ITGB5: variants seen among roughly 807,000 people sequenced by gnomAD.
The protein encoded by ITGB5 is integrin beta-5.
In ITGB5, 38 loss-of-function variants were observed where a neutral mutation model predicts 84.8. The ratio of observed to expected loss-of-function variants is 0.45; its 90% CI spans 0.35 to 0.59. ITGB5 has a LOEUF of 0.59. Ranked by LOEUF, ITGB5 falls within the 20% of genes least tolerant of loss-of-function variation. ITGB5 has a pLI of 0.01. For synonymous variants in ITGB5, 393 were observed against 414.4 expected (o/e 0.95, Z 0.63); for missense variants, 905 against 1,034.5 (o/e 0.87, Z 1.72).
chr3:124,885,429 GAAAC>G (rs554290866), intron 1 of ITGB5, among the ~76,000 whole-genome samples: 8 of 152,014 alleles, frequency 5.3e-5, no homozygotes, highest in Non-Finnish European at 1.0e-4. Flanking sequence ...CAAAACAAAA[GAAAC>G]AAACAGAAAA....
intron 1 of ITGB5, among the ~76,000 whole-genome samples, chr3:124,900,365 A>G (rs1255196344): frequency 2.0e-5 from 3 of 152,210 alleles, no homozygotes; most frequent in Non-Finnish European, 4.4e-5. Flanking sequence ...AGGCACAAGA[A>G]TTGTGCCTGG....
At chr3:124,824,955 T>C (rs541634602) in intron 5 of ITGB5, among the ~76,000 whole-genome samples, 88 of 152,228 alleles carry the variant, frequency 5.8e-4, no homozygotes, top group African/African-American at 2.0e-3. Context: ...TCCCAGCACT[T>C]TGGGAGGCCG....
At chr3:124,780,220 AGCCACTGCTCCATTCACCCCCAAAC>A (rs1195256392) in intron 10 of ITGB5, among the ~76,000 whole-genome samples, 2 of 136,818 alleles carry the variant, frequency 1.5e-5, no homozygotes, top group East Asian at 4.9e-4. Flanking sequence ...CCAGGAACAA[AGCCACTGCTCCATTCACCCCCAAAC>A]GCCACTCTGG....
intron 7 of ITGB5, 142 bp from the exon 8 acceptor site, chr3:124,817,852 T>C: frequency 1.7e-6 from 1 of 591,752 alleles, no homozygotes. Flanking sequence ...CTAAAGAAGA[T>C]CCCACAGGGA....
chr3:124,780,234 T>G (rs1366989523), intron 10 of ITGB5, among the ~76,000 whole-genome samples: 1 of 136,788 alleles, frequency 7.3e-6, no homozygotes, highest in African/African-American at 3.3e-5. Context: ...ACTGCTCCAT[T>G]CACCCCCAAA....
At chr3:124,817,267 C>T (rs745339247) in intron 8 of ITGB5, among the ~76,000 whole-genome samples, 1 of 152,122 alleles carries the variant, frequency 6.6e-6, no homozygotes, top group Non-Finnish European at 1.5e-5. Flanking sequence ...ACGGTGGCAG[C>T]GTTAGCCTGG....
chr3:124,881,235 C>T (rs1194886369), intron 1 of ITGB5, among the ~76,000 whole-genome samples: 5 of 152,100 alleles, frequency 3.3e-5, no homozygotes, highest in East Asian at 1.9e-4. Flanking sequence ...CTGCCTGCCT[C>T]GGCCTCCCAA....
Position 124,848,503 on chromosome 3 carries a change from G to A in ITGB5, c.417C>T (p.Asp139=). ...QVRQVEDYPV[D]LYYLMDLSLS... ...GGGAGAGGTCCATCAGGTAGTACAG[G>A]TCCACAGGATAGTCCTCCACCTGGC... Residue 139 remains aspartate (D), a synonymous_variant, in exon 4 of 15, where the codon GAC becomes GAT. Coordinates refer to ENST00000296181, the MANE Select transcript of ITGB5 (RefSeq NM_002213.5). The A allele has an allele frequency of 1.2e-6, 2 of 1,614,092 alleles. No individual in the cohort carries two copies. Among genetic ancestry groups the A allele is most frequent in the Non-Finnish European group, 1.7e-6 (2 of 1,180,014 alleles).
At chr3:124,803,634 C>T (rs1276250642) in intron 9 of ITGB5, among the ~76,000 whole-genome samples, 1 of 152,200 alleles carries the variant, frequency 6.6e-6, no homozygotes, top group Non-Finnish European at 1.5e-5. Flanking sequence ...TGGGGCAAGT[C>T]ACGCTCATCC....
At chr3:124,891,602 A>G (rs962041482), upstream of ITGB5, among the ~76,000 whole-genome samples, 4 of 151,732 alleles carry the variant, frequency 2.6e-5, no homozygotes, top group African/African-American at 9.7e-5. Flanking sequence ...TCAAAAAAAA[A>G]AAAAAAAAAG....
At chr3:124,798,146 G>C (rs904452571) in intron 9 of ITGB5, among the ~76,000 whole-genome samples, 5 of 138,250 alleles carry the variant, frequency 3.6e-5, no homozygotes, top group African/African-American at 1.4e-4. Flanking sequence ...TCCACCTCCC[G>C]GGTTCAAGCC....
At chr3:124,822,219 A>G (rs371046252) in intron 5 of ITGB5, among the ~76,000 whole-genome samples, 1 of 152,232 alleles carries the variant, frequency 6.6e-6, no homozygotes, top group South Asian at 2.1e-4. Context: ...AACTCTACAC[A>G]AAAACACTCC....
At chr3:124,881,813 A>T (rs1455575251) in intron 1 of ITGB5, among the ~76,000 whole-genome samples, 4 of 151,768 alleles carry the variant, frequency 2.6e-5, no homozygotes, top group Admixed American at 6.6e-5. Context: ...ACTAAAAATT[A>T]AAAAATAAGC....
At chr3:124,770,693 C>CT (rs2063829477) in intron 11 of ITGB5, among the ~76,000 whole-genome samples, 1 of 152,138 alleles carries the variant, frequency 6.6e-6, no homozygotes, top group African/African-American at 2.4e-5. Flanking sequence ...TTCTAACATG[C>CT]TTAGGAGCTC....
chr3:124,837,862 T>C (rs957680029), intron 5 of ITGB5, among the ~76,000 whole-genome samples: 1 of 152,134 alleles, frequency 6.6e-6, no homozygotes, highest in Non-Finnish European at 1.5e-5. Flanking sequence ...TCAGGGGAAG[T>C]AGAGCGTGCA....
intron 10 of ITGB5, among the ~76,000 whole-genome samples, chr3:124,785,064 C>T (rs1162158477): frequency 6.6e-6 from 1 of 152,160 alleles, no homozygotes; most frequent in East Asian, 1.9e-4. Context: ...AGCAGCTGCT[C>T]AGCAGAAGAG....
intron 5 of ITGB5, among the ~76,000 whole-genome samples, chr3:124,824,785 G>T (rs2064758928): frequency 6.6e-6 from 1 of 152,138 alleles, no homozygotes; most frequent in Non-Finnish European, 1.5e-5. Flanking sequence ...ACACAAAAGG[G>T]TTCTCAACAT....
chr3:124,876,443 C>T (rs886152118), intron 1 of ITGB5, among the ~76,000 whole-genome samples: 3 of 152,036 alleles, frequency 2.0e-5, no homozygotes, highest in Non-Finnish European at 2.9e-5. Context: ...TTGTCACTAG[C>T]AGTAAAAACT....
chr3:124,785,584 C>CA (rs11372347), intron 10 of ITGB5, among the ~76,000 whole-genome samples: 7,720 of 94,754 alleles, frequency 0.081, 618 homozygotes, highest in African/African-American at 0.24. Flanking sequence ...GACTCCATCT[C>CA]AAAAAAAAAA....
Sources: gnomAD v4.1 joint callset for allele counts (sites outside exome capture counted in the v4.1 genomes callset) on GRCh38, gnomAD v4.1.1 for gene constraint, MANE v1.5 for transcripts, NCBI Gene and HGNC (gene_info 2026-07-23, HGNC 2026-07-21) for gene names.